The following TMEM106C variants were observed in gnomAD, a reference collection of about 807,000 sequenced individuals.
TMEM106C encodes transmembrane protein 106C.
TMEM106C carries 27 observed loss-of-function variants against 30.8 expected under a neutral mutation model. The ratio of observed to expected loss-of-function variants is 0.88; its 90% CI spans 0.65 to 1.21. The LOEUF (loss-of-function observed/expected upper bound fraction) is 1.21, where lower values mean the gene tolerates loss of function less well. TMEM106C is among the 50% of genes most tolerant of loss of function. The probability of loss-of-function intolerance (pLI) is 0.00; values close to 1 mark genes in which losing one functional copy is unlikely to be tolerated. For synonymous variants in TMEM106C, 123 were observed against 118.8 expected (o/e 1.04, Z -0.23); for missense variants, 288 against 307.8 (o/e 0.94, Z 0.48).
Position 47,964,437 on chromosome 12 carries a change from G to T in TMEM106C, c.187+14G>T. Reference sequence around the variant, plus strand: ...ACATTCCAACAGGTGATCATGGAGGGATGATTCCCTGATGAGAATCCCAAG... The same window carrying T: ...ACATTCCAACAGGTGATCATGGAGGTATGATTCCCTGATGAGAATCCCAAG... On this transcript the variant is annotated intron_variant, in intron 2 of 7. Transcript: ENST00000429772. The T allele has an allele frequency of 1.2e-6, 2 of 1,612,756 alleles. No individual in the cohort carries two copies. The highest frequency in any genetic ancestry group is 1.7e-6 in the Non-Finnish European group (2 of 1,179,220).
In TMEM106C at chr12:47,964,403, G is replaced by A; in HGVS notation, c.167G>A (p.Gly56Glu). The change falls in exon 2 of 8, where the codon GGG (glycine) becomes GAG (glutamate). Residue 56 changes from glycine (G) to glutamate (E), a missense_variant. By Grantham distance (98) the Gly-to-Glu change is moderately conservative (BLOSUM62 -2). Transcript: ENST00000429772. ...AGCATCACCTGTCTCACGTGCCAGGGGACAGGCTACATTCCAACAGGTGAT... is the reference window on the plus strand; with the variant it reads ...AGCATCACCTGTCTCACGTGCCAGGAGACAGGCTACATTCCAACAGGTGAT... ...RDSITCLTCQ[G>E]TGYIPTEQVN... The A allele has an allele frequency of 1.9e-6, 3 of 1,614,100 alleles. No homozygotes were observed. Among genetic ancestry groups the A allele is most frequent in the Non-Finnish European group, 2.5e-6 (3 of 1,180,016 alleles).
chr12:47,966,414 A>G, intron 5 of TMEM106C, 185 bp downstream of exon 5: 1 of 745,820 alleles, frequency 1.3e-6, no homozygotes, highest in Non-Finnish European at 2.1e-6. Flanking sequence ...CTATCATTTA[A>G]GCATTTGGGG....
Position 47,966,410 on chromosome 12 carries a change from T to C in TMEM106C, c.552+181T>C, listed in dbSNP as rs566916249. 826 of 755,200 alleles carry C rather than the reference T, an allele frequency of 1.1e-3. 1 individual carries two copies. Among genetic ancestry groups the C allele is most frequent in the Non-Finnish European group, 1.6e-3 (771 of 479,186 alleles). 46.8% of individuals were successfully genotyped at this position (755,200 alleles called of 1,614,324 possible). A position where few individuals can be genotyped will look rare whatever the true frequency, so the allele number is the denominator to read the frequency against. On this transcript the variant is annotated intron_variant, in intron 5 of 7. Transcript: ENST00000429772. ...TAATTGTGAGAAAAAACAGCTATCA[T>C]TTAAGCATTTGGGGAGCAGAATAAT...
Position 47,966,751 on chromosome 12 carries a change from C to T in TMEM106C, c.602+19C>T, listed in dbSNP as rs1565658950. On this transcript the variant is annotated intron_variant, in intron 6 of 7. Coordinates refer to ENST00000429772, the MANE Select transcript of TMEM106C (RefSeq NM_001143842.2). ...ATGTGTAGTAAGGACACTGTTCTCT[C>T]TGTGTGTGCTCTCTACTGGAGGAAA... The T allele has an allele frequency of 1.9e-6, 3 of 1,613,730 alleles. No homozygotes were observed. In the Admixed American group the frequency reaches 5.0e-5, roughly 27 times the overall value.
At chr12:47,966,815 C>T (rs1479540458) in intron 6 of TMEM106C, 83 bp downstream of exon 6, 4 of 1,491,056 alleles carry the variant, frequency 2.7e-6, no homozygotes. Flanking sequence ...GGGCCTGGTC[C>T]TGCCTTAGAT....
Position 47,967,232 on chromosome 12 carries a change from C to T in TMEM106C, c.627C>T (p.Ile209=), listed in dbSNP as rs774478659. ...GCTTCTTCTGCACGGTACCTGAGAT[C>T]CTGGTGCACAACATAGTGATCTTCA... ...YVYFFCTVPE[I]LVHNIVIFMR... The change falls in exon 7 of 8, where the codon ATC becomes ATT. Residue 209 remains isoleucine (I), a synonymous_variant. Transcript: ENST00000429772. 1.2e-6 allele frequency: 2 copies of T among 1,614,170 alleles called. No individual in the cohort carries two copies. Among genetic ancestry groups the T allele is most frequent in the Non-Finnish European group, 1.7e-6 (2 of 1,180,028 alleles).
chr12:47,966,230 G>C lies in TMEM106C; in HGVS notation c.552+1G>C. On this transcript the variant is annotated splice_donor_variant, in intron 5 of 7. Coordinates refer to ENST00000429772, the MANE Select transcript of TMEM106C (RefSeq NM_001143842.2). LOFTEE classifies it high-confidence loss of function. The stretch of plus-strand genomic sequence containing the variant: ...TATTCCACCTCGGAGTGAGCAACTG[G>C]TATGCTGTTCTTTTAGGAATCTTGC... 5.6e-6 allele frequency: 9 copies of C among 1,613,836 alleles called. No homozygotes were observed. Among genetic ancestry groups the C allele is most frequent in the Non-Finnish European group, 7.6e-6 (9 of 1,179,902 alleles).
At chr12:47,966,644 C>A (rs1319225652) in intron 5 of TMEM106C, 39 bp from the exon 6 acceptor site, 1 of 1,612,412 alleles carries the variant, frequency 6.2e-7, no homozygotes, top group Admixed American at 1.7e-5. Flanking sequence ...TGTGTCAAGC[C>A]TGCTTGGCCA....
At chr12:47,965,000 C>G (rs1048803095) in intron 2 of TMEM106C, among the ~76,000 whole-genome samples, 1 of 152,202 alleles carries the variant, frequency 6.6e-6, no homozygotes, top group African/African-American at 2.4e-5. Flanking sequence ...AAACCATGGC[C>G]TTGAGAGATT....
intron 1 of TMEM106C, 116 bp from the exon 2 acceptor site, chr12:47,964,093 A>C: frequency 3.8e-6 from 3 of 797,614 alleles, no homozygotes; most frequent in Middle Eastern, 7.4e-4. Flanking sequence ...AGGTGTTGGG[A>C]CCACACTCAG....
At position 47,965,222 on chromosome 12, in the gene TMEM106C, C is replaced by T. The variant is rs537817537; in HGVS notation, c.188-60C>T. ...TTTGTTGTGGCAGGCTCAAGTGAGA[C>T]GTGAAGGAAGTACTGCCAACACATG... On this transcript the variant is annotated intron_variant, in intron 2 of 7. Coordinates refer to ENST00000429772, the MANE Select transcript of TMEM106C (RefSeq NM_001143842.2). The T allele has an allele frequency of 7.4e-5, 102 of 1,384,250 alleles. No homozygotes were observed. The African/African-American group carries it at 9.0e-4, about 12-fold the overall frequency. The allele number at this position is 1,384,250 out of a possible 1,614,324, so 85.7% of individuals were successfully genotyped here.
intron 3 of TMEM106C, 195 bp from the exon 4 acceptor site, chr12:47,965,643 C>A: frequency 1.3e-6 from 1 of 751,402 alleles, no homozygotes; most frequent in Non-Finnish European, 2.2e-6. Context: ...AGCTTTTCTT[C>A]CCAGAGTGCA....
At chr12:47,966,029 G>A (rs1406165246) in intron 4 of TMEM106C, 32 bp downstream of exon 4, 4 of 1,614,174 alleles carry the variant, frequency 2.5e-6, no homozygotes, top group Non-Finnish European at 3.4e-6. Flanking sequence ...CCTGGGTTGT[G>A]CACCTGCCAG....
chr12:47,966,702 C>G lies in TMEM106C; in HGVS notation c.572C>G (p.Ala191Gly), dbSNP rs747616947. 4 of 1,614,140 alleles carry G rather than the reference C, an allele frequency of 2.5e-6. No individual in the cohort carries two copies. Among genetic ancestry groups the G allele is most frequent in the Non-Finnish European group, 3.4e-6 (4 of 1,180,020 alleles). The change falls in exon 6 of 8, where the codon GCC becomes GGC. Residue 191 changes from alanine (A) to glycine (G), a missense_variant. Ala to Gly is a moderately conservative substitution (Grantham distance 60, BLOSUM62 0). Coordinates refer to ENST00000429772, the MANE Select transcript of TMEM106C (RefSeq NM_001143842.2). ...TTTCAGGTGAATTTTACCGGGAAGG[C>G]CGAGATGGGAGGACCGTTTTCCTAT... is the stretch of plus-strand genomic sequence containing the variant. ...SEQLVNFTGKAEMGGPFSYVY... is the reference protein window; with the variant it reads ...SEQLVNFTGKGEMGGPFSYVY...
intron 6 of TMEM106C, 99 bp from the exon 7 acceptor site, chr12:47,967,109 G>A (rs1938254266): frequency 1.6e-6 from 2 of 1,250,874 alleles, no homozygotes; most frequent in Non-Finnish European, 2.3e-6. Context: ...GTCGGAAGGG[G>A]GAGGGGGGCA....
At position 47,964,395 on chromosome 12, in the gene TMEM106C, G is replaced by T. The variant is rs1395794031; in HGVS notation, c.159G>T (p.Thr53=). ...GGAGAGATAGCATCACCTGTCTCAC[G>T]TGCCAGGGGACAGGCTACATTCCAA... ...FTGRDSITCL[T]CQGTGYIPTE... Residue 53 remains threonine, a synonymous_variant, in exon 2 of 8, where the codon ACG becomes ACT. Coordinates refer to ENST00000429772, the MANE Select transcript of TMEM106C (RefSeq NM_001143842.2). 6 of 1,614,054 alleles carry T rather than the reference G, an allele frequency of 3.7e-6. No individual in the cohort carries two copies. The highest frequency in any genetic ancestry group is 5.1e-6 in the Non-Finnish European group (6 of 1,180,036).
intron 5 of TMEM106C, 84 bp downstream of exon 5, chr12:47,966,313 C>A: frequency 6.7e-7 from 1 of 1,490,922 alleles, no homozygotes; most frequent in Non-Finnish European, 9.1e-7. Flanking sequence ...GTGTCACTTT[C>A]CTTTTTGTCT....
Position 47,968,678 on chromosome 12 carries a change from AGGATATGAATTTGTTTCAGCT to A in TMEM106C, c.*451_*471del, listed in dbSNP as rs1393805531. ...TACCTAAGAGAAAACAGACCTAGTC[AGGATATGAATTTGTTTCAGCT>A]GTTCCCAAAGGCCTGGGAGCTTTTT... On this transcript the variant is annotated 3_prime_UTR_variant, in exon 8 of 8. Transcript: ENST00000429772. The A allele has an allele frequency of 2.6e-5, 5 of 189,022 alleles. No homozygotes were observed. Among genetic ancestry groups the A allele is most frequent in the African/African-American group, 1.2e-4 (5 of 42,164 alleles). The allele number at this position is 189,022 out of a possible 1,614,324, so 11.7% of individuals were successfully genotyped here.
In TMEM106C at chr12:47,966,128, G is replaced by A. The variant is rs775060533; in HGVS notation, c.451G>A (p.Ala151Thr). 3 of 1,614,204 alleles carry A rather than the reference G, an allele frequency of 1.9e-6. No individual in the cohort carries two copies. The highest frequency in any genetic ancestry group is 2.5e-6 in the Non-Finnish European group (3 of 1,180,038). ...CAGGAACTCCAACTTCTACACGGTG[G>A]CAGTGACCAGCCTGTCCAGCCAGAT... ...KIRNSNFYTVAVTSLSSQIQY... is the reference protein window; with the variant it reads ...KIRNSNFYTVTVTSLSSQIQY... Residue 151 changes from alanine to threonine, a missense_variant, in exon 5 of 8, where the codon GCA becomes ACA. Physicochemically the swap from Ala to Thr is moderately conservative, Grantham distance 58 (BLOSUM62 0). Coordinates refer to ENST00000429772, the MANE Select transcript of TMEM106C (RefSeq NM_001143842.2).
Sources: allele counts gnomAD v4.1 joint callset (sites outside exome capture counted in the v4.1 genomes callset), GRCh38; gene constraint gnomAD v4.1.1; transcripts MANE v1.5; gene names NCBI Gene and HGNC (gene_info 2026-07-23, HGNC 2026-07-21).